The following RALGAPA2 variants were observed in gnomAD, a reference collection of about 807,000 sequenced individuals.
The protein encoded by RALGAPA2 is ral GTPase-activating protein subunit alpha-2.
Under a neutral mutation model 230.4 loss-of-function variants are expected in RALGAPA2, and 139 were observed. The ratio of observed to expected loss-of-function variants is 0.60; its 90% CI spans 0.53 to 0.69. The LOEUF (loss-of-function observed/expected upper bound fraction) is 0.69, where lower values mean the gene tolerates loss of function less well. RALGAPA2 is among the 30% of genes least tolerant of loss of function. The pLI is 0.00. For synonymous variants in RALGAPA2, 847 were observed against 837.8 expected (o/e 1.01, Z -0.19); for missense variants, 2,163 against 2,276.0 (o/e 0.95, Z 1.01).
At chr20:20,633,276 A>G (rs1370552061) in intron 9 of RALGAPA2, among the ~76,000 whole-genome samples, 1 of 152,126 alleles carries the variant, frequency 6.6e-6, no homozygotes, top group Non-Finnish European at 1.5e-5. Context: ...CTGGGATTAC[A>G]GACGCCTACC....
At chr20:20,477,299 C>T (rs1244592253) in intron 36 of RALGAPA2, among the ~76,000 whole-genome samples, 1 of 152,086 alleles carries the variant, frequency 6.6e-6, no homozygotes, top group Non-Finnish European at 1.5e-5. Flanking sequence ...ATAATGGAAA[C>T]ATAAAATACT....
At chr20:20,406,392 G>GA (rs1444060727) in intron 38 of RALGAPA2, among the ~76,000 whole-genome samples, 1 of 152,082 alleles carries the variant, frequency 6.6e-6, no homozygotes, top group Admixed American at 6.5e-5. Context: ...TCTTAAATTG[G>GA]AAAAAAATCA....
chr20:20,597,391 G>A (rs1264137927), intron 16 of RALGAPA2, among the ~76,000 whole-genome samples: 1 of 152,016 alleles, frequency 6.6e-6, no homozygotes, highest in African/African-American at 2.4e-5. Context: ...AATAGTTACT[G>A]GAGAAAAAGA....
intron 37 of RALGAPA2, among the ~76,000 whole-genome samples, chr20:20,470,341 T>C (rs1351811987): frequency 1.3e-5 from 2 of 152,186 alleles, no homozygotes; most frequent in African/African-American, 4.8e-5. Context: ...AAAGCCCAAC[T>C]GACACGATTT....
intron 38 of RALGAPA2, 25 bp from the exon 39 acceptor site, chr20:20,396,759 A>C: frequency 6.5e-7 from 1 of 1,534,324 alleles, no homozygotes; most frequent in African/African-American, 1.5e-5. Context: ...CACAAAATGG[A>C]ATGAATACAA....
intron 14 of RALGAPA2, among the ~76,000 whole-genome samples, chr20:20,608,806 G>C (rs1187051818): frequency 6.6e-6 from 1 of 152,164 alleles, no homozygotes; most frequent in East Asian, 1.9e-4. Flanking sequence ...GGCCCACTCT[G>C]ATTCTCATGA....
chr20:20,507,689 A>G (rs1019489870), intron 33 of RALGAPA2, among the ~76,000 whole-genome samples: 12 of 152,220 alleles, frequency 7.9e-5, no homozygotes, highest in African/African-American at 2.9e-4. Context: ...AAATAAATTT[A>G]GAAAACTTGT....
chr20:20,547,140 A>G (rs1054366841), intron 23 of RALGAPA2, among the ~76,000 whole-genome samples: 7 of 152,212 alleles, frequency 4.6e-5, no homozygotes, highest in African/African-American at 1.4e-4. Context: ...AGGAGTAATG[A>G]GGTAAATATG....
chr20:20,681,418 T>A (rs1360766351), intron 1 of RALGAPA2, among the ~76,000 whole-genome samples: 1 of 152,142 alleles, frequency 6.6e-6, no homozygotes, highest in Non-Finnish European at 1.5e-5. Flanking sequence ...CTAGACAGTT[T>A]TGCTAAACCA....
chr20:20,635,336 C>T (rs1168084560), intron 9 of RALGAPA2, 82 bp downstream of exon 9: 2 of 1,406,252 alleles, frequency 1.4e-6, no homozygotes, highest in African/African-American at 1.5e-5. Context: ...ACCAATAACT[C>T]TAACAATCAA....
Position 20,447,632 on chromosome 20 carries a change from C to CT in RALGAPA2, c.5495+25196dup, listed in dbSNP as rs67832544. Among the ~76,000 whole-genome samples, 577 of 144,208 alleles carry CT rather than the reference C, an allele frequency of 4.0e-3. 1 individual carries two copies. Among genetic ancestry groups the CT allele is most frequent in the South Asian group, 7.3e-3 (33 of 4,524 alleles). 94.6% of individuals were successfully genotyped at this position (144,208 alleles called of 152,430 possible). A position where few individuals can be genotyped will look rare whatever the true frequency, so the allele number is the denominator to read the frequency against. ...ATTAGGTTGAATTATATCAAATTGC[C>CT]TTTTTTTTTTTTTTAACTAGGTCAA... On this transcript the variant is annotated intron_variant, in intron 37 of 39. Transcript: ENST00000202677.
At chr20:20,665,763 A>G (rs1478586935) in intron 3 of RALGAPA2, among the ~76,000 whole-genome samples, 3 of 152,210 alleles carry the variant, frequency 2.0e-5, no homozygotes, top group East Asian at 1.9e-4. Flanking sequence ...CACAATCAAA[A>G]TCAGACACCA....
Position 20,594,400 on chromosome 20 carries a change from C to T in RALGAPA2, c.2204-3086G>A, listed in dbSNP as rs753689689. Among the ~76,000 whole-genome samples, 324 of 152,120 alleles carry T rather than the reference C, an allele frequency of 2.1e-3. 1 individual carries two copies. Among genetic ancestry groups the T allele is most frequent in the Non-Finnish European group, 2.7e-3 (184 of 67,990 alleles). ...CTCATTCTGTGGGGTTAGCTGTTAG[C>T]AGTTGCTCTTTCATAACGAATGAAA... On this transcript the variant is annotated intron_variant, in intron 16 of 39. Transcript: ENST00000202677.
At chr20:20,658,012 C>T (rs945715596) in intron 3 of RALGAPA2, among the ~76,000 whole-genome samples, 3 of 152,180 alleles carry the variant, frequency 2.0e-5, no homozygotes, top group African/African-American at 4.8e-5. Context: ...TACAGCAAGA[C>T]GATGTGTATC....
intron 37 of RALGAPA2, among the ~76,000 whole-genome samples, chr20:20,426,334 C>G: frequency 6.6e-6 from 1 of 152,200 alleles, no homozygotes; most frequent in Middle Eastern, 3.2e-3. Flanking sequence ...ATGACTTACT[C>G]TGGTTTCATA....
intron 35 of RALGAPA2, among the ~76,000 whole-genome samples, chr20:20,499,417 T>C (rs2062308330): frequency 6.6e-6 from 1 of 152,162 alleles, no homozygotes; most frequent in African/African-American, 2.4e-5. Context: ...TTCTCAGTCA[T>C]AAGAAAATTA....
intron 20 of RALGAPA2, among the ~76,000 whole-genome samples, chr20:20,575,782 A>G (rs1441483008): frequency 6.6e-6 from 1 of 152,128 alleles, no homozygotes; most frequent in Non-Finnish European, 1.5e-5. Flanking sequence ...AGGTCTGCCA[A>G]TTAATTTACC....
chr20:20,528,909 C>G (rs2063297340), intron 27 of RALGAPA2, among the ~76,000 whole-genome samples: 1 of 152,224 alleles, frequency 6.6e-6, no homozygotes, highest in Admixed American at 6.5e-5. Flanking sequence ...TCCTCTTTCT[C>G]CATCTCTCCC....
At chr20:20,700,064 C>T (rs2069285259) in intron 1 of RALGAPA2, among the ~76,000 whole-genome samples, 1 of 152,106 alleles carries the variant, frequency 6.6e-6, no homozygotes, top group Admixed American at 6.5e-5. Context: ...CCTAACTGCC[C>T]ATTAGTGGTG....
Sources: gnomAD v4.1 joint callset for allele counts (sites outside exome capture counted in the v4.1 genomes callset) on GRCh38, gnomAD v4.1.1 for gene constraint, MANE v1.5 for transcripts, NCBI Gene and HGNC (gene_info 2026-07-23, HGNC 2026-07-21) for gene names.